SMAD4: variants seen among roughly 807,000 people sequenced by gnomAD.
The protein encoded by SMAD4 is MAD homolog 4.
A neutral mutation model predicts 63.2 loss-of-function variants in SMAD4; 7 were observed. The ratio of observed to expected loss-of-function variants is 0.11; its 90% confidence interval spans 0.06 to 0.21. The LOEUF is 0.21. Ranked by LOEUF, SMAD4 falls within the 10% of genes least tolerant of loss-of-function variation. The pLI, the probability that SMAD4 is intolerant of heterozygous loss-of-function variation, is 1.00. For synonymous variants in SMAD4, 215 were observed against 235.4 expected, an observed-to-expected ratio of 0.91 and a Z score of 0.79; for missense variants, 312 against 693.8, an observed-to-expected ratio of 0.45 and a Z score of 6.18.
At position 51,080,931 on chromosome 18, in the gene SMAD4, T is replaced by C. The variant is rs756364354; in HGVS notation, c.*2464T>C. On this transcript the variant is annotated 3_prime_UTR_variant, in exon 12 of 12. Coordinates refer to ENST00000342988, the MANE Select transcript of SMAD4 (RefSeq NM_005359.6). Reference sequence around the variant, plus strand: ...AAATATTTGTTAAGAAGTATCTCTTTGGAGCCAAGCCACCTGTCTTGGTTT... The same window carrying C: ...AAATATTTGTTAAGAAGTATCTCTTCGGAGCCAAGCCACCTGTCTTGGTTT... The C allele has an allele frequency of 5.1e-6, 1 of 194,226 alleles. No homozygotes were observed. The highest frequency in any genetic ancestry group is 1.1e-5 in the Non-Finnish European group (1 of 93,340). 12.0% of individuals were successfully genotyped at this position (194,226 alleles called of 1,614,324 possible).
chr18:51,083,115 TC>T lies in SMAD4; in HGVS notation c.*4650del, dbSNP rs1428586229. 1 of 225,966 alleles carries T rather than the reference TC, an allele frequency of 4.4e-6. No homozygotes were observed. Among genetic ancestry groups the T allele is most frequent in the African/African-American group, 2.2e-5 (1 of 45,016 alleles). The allele number at this position is 225,966 out of a possible 1,614,324, so 14.0% of individuals were successfully genotyped here. ...TAATATTTTGAAAGGTTTCATTGCT[TC>T]CACTTGAATGCTGCTCTTACAAAAA... On this transcript the variant is annotated 3_prime_UTR_variant, in exon 12 of 12. Transcript: ENST00000342988.
chr18:51,035,598 C>G (rs1909179162), intron 1 of SMAD4, among the ~76,000 whole-genome samples: 1 of 152,224 alleles, frequency 6.6e-6, no homozygotes, highest in Non-Finnish European at 1.5e-5. Context: ...CTTACATTTT[C>G]AAGCCCCCAA....
intron 1 of SMAD4, among the ~76,000 whole-genome samples, chr18:51,037,857 T>A (rs1447370940): frequency 3.3e-5 from 5 of 152,192 alleles, no homozygotes; most frequent in African/African-American, 1.2e-4. Context: ...GGAGAACATT[T>A]ATAGCCAGTG....
rs775484792 is a variant in SMAD4 at position 51,058,331 on chromosome 18, A to C, written c.788-9A>C. The C allele has an allele frequency of 6.2e-7, 1 of 1,610,924 alleles. No homozygotes were observed. Among genetic ancestry groups the C allele is most frequent in the Admixed American group, 1.7e-5 (1 of 59,662 alleles). ...AAGCAAATTAACCCATGTGGGCCTTAATTTTTAGACAGCACTACCACCTGG... is the reference window on the plus strand; with the variant it reads ...AAGCAAATTAACCCATGTGGGCCTTCATTTTTAGACAGCACTACCACCTGG... On this transcript the variant is annotated splice_polypyrimidine_tract_variant and intron_variant, in intron 6 of 11. Transcript: ENST00000342988.
intron 1 of SMAD4, among the ~76,000 whole-genome samples, chr18:51,042,926 T>C (rs1324619072): frequency 6.6e-6 from 1 of 152,226 alleles, no homozygotes; most frequent in Non-Finnish European, 1.5e-5. Context: ...GTTGCCAGTA[T>C]AACACGTTTG....
At chr18:51,031,249 G>A (rs1400883351) in intron 1 of SMAD4, among the ~76,000 whole-genome samples, 1 of 152,150 alleles carries the variant, frequency 6.6e-6, no homozygotes, top group Non-Finnish European at 1.5e-5. Context: ...TGCATGTACT[G>A]ACAGTGAAAT....
chr18:51,055,086 T>G (rs1909808117), intron 5 of SMAD4, 93 bp downstream of exon 5: 2 of 911,552 alleles, frequency 2.2e-6, no homozygotes, highest in Non-Finnish European at 3.7e-6. Flanking sequence ...TCCAAGTAAG[T>G]AAACATTAAA....
At chr18:51,031,308 T>A (rs539511366) in intron 1 of SMAD4, among the ~76,000 whole-genome samples, 3 of 152,188 alleles carry the variant, frequency 2.0e-5, no homozygotes, top group Non-Finnish European at 4.4e-5. Context: ...CAAACTGCTG[T>A]TAGGATTTCT....
chr18:51,071,693 A>G (rs1568209954), intron 10 of SMAD4, among the ~76,000 whole-genome samples: 1 of 152,200 alleles, frequency 6.6e-6, no homozygotes, highest in Non-Finnish European at 1.5e-5. Context: ...TATATTCACA[A>G]CATTGTGCAG....
chr18:51,067,003 CT>C lies in SMAD4; in HGVS notation c.1140-10del, dbSNP rs763877987. Reference sequence around the variant, plus strand: ...TACTTATCAAGATAAAATGTAATTTCTTTTTTCTTCCTAAGGTTGCACATAG... The same window carrying C: ...TACTTATCAAGATAAAATGTAATTTCTTTTTCTTCCTAAGGTTGCACATAG... On this transcript the variant is annotated splice_polypyrimidine_tract_variant and intron_variant, in intron 9 of 11. Coordinates refer to ENST00000342988, the MANE Select transcript of SMAD4 (RefSeq NM_005359.6). 5.0e-6 allele frequency: 8 copies of C among 1,595,044 alleles called. No individual in the cohort carries two copies. The African/African-American group carries it at 1.1e-4, about 21-fold the overall frequency.
intron 4 of SMAD4, chr18:51,053,452 G>GTTTT (rs949817752): frequency 6.6e-6 from 1 of 151,664 alleles, no homozygotes; most frequent in East Asian, 1.9e-4. Context: ...GTTGTGTTCA[G>GTTTT]TTTTTTTTAT....
At chr18:51,060,513 G>C (rs1909979165) in intron 8 of SMAD4, among the ~76,000 whole-genome samples, 1 of 151,992 alleles carries the variant, frequency 6.6e-6, no homozygotes, top group Non-Finnish European at 1.5e-5. Flanking sequence ...TTTCGTATCT[G>C]TTTTTCTTAG....
intron 1 of SMAD4, among the ~76,000 whole-genome samples, chr18:51,032,283 T>A (rs1450355539): frequency 2.6e-5 from 4 of 152,230 alleles, no homozygotes; most frequent in Non-Finnish European, 5.9e-5. Context: ...TCGTTTTTTT[T>A]ATTTTTGAAG....
At chr18:51,063,586 TA>T (rs1334322104) in intron 8 of SMAD4, among the ~76,000 whole-genome samples, 1 of 152,040 alleles carries the variant, frequency 6.6e-6, no homozygotes, top group African/African-American at 2.4e-5. Context: ...CCAATTTTTC[TA>T]TTTTTCGTAG....
At chr18:51,073,398 C>T (rs1342558891) in intron 10 of SMAD4, among the ~76,000 whole-genome samples, 1,476 of 68,480 alleles carry the variant, frequency 0.022, 10 homozygotes, top group East Asian at 0.057. Flanking sequence ...TACACACACA[C>T]ACACACACAC....
At chr18:51,077,509 A>G (rs1910500058) in intron 11 of SMAD4, 1 of 276,690 alleles carries the variant, frequency 3.6e-6, no homozygotes, top group Non-Finnish European at 5.5e-6. Context: ...TTTCATTGTA[A>G]TATTGATGAA....
intron 1 of SMAD4, among the ~76,000 whole-genome samples, chr18:51,042,601 G>GTTGCCAGGCTGGTCCTGGCAACCGT (rs2144392103): frequency 9.1e-3 from 1 of 110 alleles, no homozygotes; most frequent in Admixed American, 0.12. Context: ...TGGCAACCGT[G>GTTGCCAGGCTGGTCCTGGCAACCGT]CCTTTGTTGC....
At chr18:51,063,981 G>C (rs951266055) in intron 8 of SMAD4, among the ~76,000 whole-genome samples, 4 of 151,942 alleles carry the variant, frequency 2.6e-5, no homozygotes, top group African/African-American at 9.7e-5. Context: ...AAAGTAATTA[G>C]GGTACATAGC....
chr18:51,082,812 C>CTAAAA lies in SMAD4; in HGVS notation c.*4346_*4347insAAAAT. 1 of 229,050 alleles carries CTAAAA rather than the reference C, an allele frequency of 4.4e-6. No individual in the cohort carries two copies. The highest frequency in any genetic ancestry group is 6.2e-5 in the East Asian group (1 of 16,104). The allele number at this position is 229,050 out of a possible 1,614,324, so 14.2% of individuals were successfully genotyped here. A position where few individuals can be genotyped will look rare whatever the true frequency, so the allele number is the denominator to read the frequency against. On this transcript the variant is annotated 3_prime_UTR_variant, in exon 12 of 12. Coordinates refer to ENST00000342988, the MANE Select transcript of SMAD4 (RefSeq NM_005359.6). ...CATTCATATGTGAGTGTTAGTGTGCCTCCTTTTAGCATTTTCTTCTTCTCT... is the reference window on the plus strand; with the variant it reads ...CATTCATATGTGAGTGTTAGTGTGCCTAAAATCCTTTTAGCATTTTCTTCTTCTCT...
Sources: allele counts gnomAD v4.1 joint callset (sites outside exome capture counted in the v4.1 genomes callset), GRCh38; gene constraint gnomAD v4.1.1; transcripts MANE v1.5; gene names NCBI Gene and HGNC (gene_info 2026-07-23, HGNC 2026-07-21).